BCL2L13: variants seen among roughly 807,000 people sequenced by gnomAD.
BCL2L13 encodes bcl-2-like protein 13.
BCL2L13 carries 13 observed loss-of-function variants against 25.8 expected under a neutral mutation model. That is an observed-to-expected ratio of 0.50 (90% CI 0.33 to 0.80). The LOEUF is 0.80. Among genes scored for constraint, BCL2L13 ranks in the 30% least tolerant of loss-of-function variants. The probability of loss-of-function intolerance (pLI) is 0.02; values close to 1 mark genes in which losing one functional copy is unlikely to be tolerated. For missense variants in BCL2L13, 504 were observed against 574.9 expected, an observed-to-expected ratio of 0.88 and a Z score of 1.26; for synonymous variants, 244 against 230.3, an observed-to-expected ratio of 1.06 and a Z score of -0.54.
intron 1 of BCL2L13, among the ~76,000 whole-genome samples, chr22:17,643,398 C>T (rs2058357788): frequency 6.6e-6 from 1 of 151,906 alleles, no homozygotes; most frequent in African/African-American, 2.4e-5. Flanking sequence ...GCCACCGCGC[C>T]CGGCCATTTC....
At chr22:17,698,521 G>T (rs2060333819) in intron 5 of BCL2L13, among the ~76,000 whole-genome samples, 1 of 126,506 alleles carries the variant, frequency 7.9e-6, no homozygotes, top group African/African-American at 2.9e-5. Context: ...AGGAGTTTGA[G>T]ACCAGGCTGG....
intron 2 of BCL2L13, among the ~76,000 whole-genome samples, chr22:17,662,740 G>A (rs1281197590): frequency 6.6e-6 from 1 of 151,938 alleles, no homozygotes; most frequent in Non-Finnish European, 1.5e-5. Flanking sequence ...GATTACTTGA[G>A]CCCAGTCTGC....
intron 2 of BCL2L13, among the ~76,000 whole-genome samples, chr22:17,675,920 T>C (rs1271973404): frequency 6.6e-6 from 1 of 152,240 alleles, no homozygotes; most frequent in Non-Finnish European, 1.5e-5. Context: ...TGGCATTATC[T>C]AAACTGACAG....
chr22:17,638,776 G>A lies in BCL2L13; in HGVS notation c.-161G>A. The stretch of plus-strand genomic sequence containing the variant: ...GACCTCACCCTCCAACATGGCGGCG[G>A]CGGTAGATTAGGGCCGCGGGTCGGA... On this transcript the variant is annotated 5_prime_UTR_variant, in exon 1 of 7. Coordinates refer to ENST00000317582, the MANE Select transcript of BCL2L13 (RefSeq NM_015367.4). 3 of 1,231,700 alleles carry A rather than the reference G, an allele frequency of 2.4e-6. No homozygotes were observed. The highest frequency in any genetic ancestry group is 3.0e-6 in the Non-Finnish European group (3 of 987,950). 76.3% of individuals were successfully genotyped at this position (1,231,700 alleles called of 1,614,324 possible). A position where few individuals can be genotyped will look rare whatever the true frequency, so the allele number is the denominator to read the frequency against.
chr22:17,685,760 CTTTTTTTTTTTTTTTTTT>C (rs1166792513), intron 3 of BCL2L13, among the ~76,000 whole-genome samples: 2 of 60,520 alleles, frequency 3.3e-5, no homozygotes, highest in African/African-American at 6.3e-5. Flanking sequence ...TTTTCTTTTT[CTTTTTTTTTTTTTTTTTT>C]TTTTTTTTTT....
intron 6 of BCL2L13, among the ~76,000 whole-genome samples, chr22:17,723,562 A>G (rs1382553404): frequency 6.6e-6 from 1 of 152,230 alleles, no homozygotes; most frequent in African/African-American, 2.4e-5. Context: ...AAATGACAAC[A>G]CAAACAATAG....
chr22:17,656,614 T>A (rs890848937), intron 2 of BCL2L13, among the ~76,000 whole-genome samples: 1 of 152,042 alleles, frequency 6.6e-6, no homozygotes, highest in Non-Finnish European at 1.5e-5. Context: ...CCCAAAGTGC[T>A]GGGATTATGG....
At chr22:17,722,047 T>C (rs2061151688) in intron 6 of BCL2L13, among the ~76,000 whole-genome samples, 1 of 152,220 alleles carries the variant, frequency 6.6e-6, no homozygotes, top group African/African-American at 2.4e-5. Context: ...TCTAAACATG[T>C]GTTTTGCTTA....
intron 1 of BCL2L13, among the ~76,000 whole-genome samples, chr22:17,631,664 G>GTATATATATA (rs2058019071): frequency 7.4e-5 from 2 of 26,898 alleles, no homozygotes; most frequent in Non-Finnish European, 1.4e-4. Flanking sequence ...ATGTATGTGT[G>GTATATATATA]TGTGTGTATA....
chr22:17,710,720 C>A (rs1284806030), intron 6 of BCL2L13, among the ~76,000 whole-genome samples: 1 of 151,082 alleles, frequency 6.6e-6, no homozygotes, highest in Non-Finnish European at 1.5e-5. Flanking sequence ...ACTAAAAATA[C>A]AAAAAAATTA....
chr22:17,669,030 C>CTTTTTTTTTTTTTT (rs537315017), intron 2 of BCL2L13, among the ~76,000 whole-genome samples: 4 of 111,834 alleles, frequency 3.6e-5, no homozygotes, highest in Admixed American at 1.1e-4. Context: ...CTGTTTCTTT[C>CTTTTTTTTTTTTTT]TTTTTTTTTT....
chr22:17,682,808 A>G (rs567777808), intron 2 of BCL2L13, among the ~76,000 whole-genome samples: 1 of 152,130 alleles, frequency 6.6e-6, no homozygotes, highest in African/African-American at 2.4e-5. Flanking sequence ...TTTGATAATG[A>G]ATTTTGATTT....
intron 2 of BCL2L13, among the ~76,000 whole-genome samples, chr22:17,678,533 T>G (rs1243608423): frequency 6.6e-6 from 1 of 152,112 alleles, no homozygotes; most frequent in African/African-American, 2.4e-5. Flanking sequence ...AATTATAACT[T>G]CTTTATGGTA....
At chr22:17,640,302 T>C (rs746351834) in intron 1 of BCL2L13, among the ~76,000 whole-genome samples, 48 of 152,218 alleles carry the variant, frequency 3.2e-4, no homozygotes, top group Non-Finnish European at 4.4e-4. Context: ...TCAGGTACTG[T>C]TCTGTATTTT....
chr22:17,718,344 T>C, intron 6 of BCL2L13, among the ~76,000 whole-genome samples: 1 of 152,070 alleles, frequency 6.6e-6, no homozygotes, highest in East Asian at 1.9e-4. Flanking sequence ...AGCCAAAATA[T>C]TAGGTATGGG....
intron 2 of BCL2L13, among the ~76,000 whole-genome samples, chr22:17,673,397 C>T (rs1355969543): frequency 1.4e-5 from 2 of 145,336 alleles, no homozygotes; most frequent in Admixed American, 7.1e-5. Context: ...AGCCTCACTC[C>T]GTCACTGTCA....
At chr22:17,707,880 C>T (rs975606067) in intron 6 of BCL2L13, among the ~76,000 whole-genome samples, 46 of 151,942 alleles carry the variant, frequency 3.0e-4, no homozygotes, top group African/African-American at 1.0e-3. Context: ...ATGTGACCCC[C>T]TGCCCCCACC....
At chr22:17,724,857 C>T (rs1358554125) in intron 6 of BCL2L13, among the ~76,000 whole-genome samples, 3 of 152,166 alleles carry the variant, frequency 2.0e-5, no homozygotes, top group Non-Finnish European at 4.4e-5. Flanking sequence ...CCTTTTATTG[C>T]GCCTTACCCT....
chr22:17,720,644 C>T (rs994089448), intron 6 of BCL2L13, among the ~76,000 whole-genome samples: 1 of 150,340 alleles, frequency 6.7e-6, no homozygotes, highest in Non-Finnish European at 1.5e-5. Context: ...GGATTACAGG[C>T]GTGAGCCACC....
Sources: gnomAD v4.1 joint callset for allele counts (sites outside exome capture counted in the v4.1 genomes callset) on GRCh38, gnomAD v4.1.1 for gene constraint, MANE v1.5 for transcripts, NCBI Gene and HGNC (gene_info 2026-07-23, HGNC 2026-07-21) for gene names.